CRADD: variants seen among roughly 807,000 people sequenced by gnomAD.
The protein encoded by CRADD is CARD and death domain containing adaptor protein.
A neutral mutation model predicts 15.5 loss-of-function variants in CRADD; 9 were observed. The observed-to-expected ratio is 0.58, with a 90% confidence interval of 0.35 to 1.01. The LOEUF is 1.01. CRADD is among the 50% of genes least tolerant of loss of function. The pLI is 0.02. For synonymous variants in CRADD, 118 were observed against 107.6 expected (o/e 1.10, Z -0.60); for missense variants, 227 against 250.3 (o/e 0.91, Z 0.63).
At chr12:93,879,253 A>G (rs573562592) in intron 2 of CRADD, among the ~76,000 whole-genome samples, 1 of 152,106 alleles carries the variant, frequency 6.6e-6, no homozygotes, top group South Asian at 2.1e-4. Flanking sequence ...TACTTTTTCT[A>G]CAGCTCTTTT....
intron 2 of CRADD, among the ~76,000 whole-genome samples, chr12:93,812,185 G>T (rs934399904): frequency 6.6e-6 from 1 of 152,116 alleles, no homozygotes; most frequent in Non-Finnish European, 1.5e-5. Flanking sequence ...ATAGTATCTA[G>T]AATACTATAT....
chr12:93,878,946 G>A (rs1218203968), intron 2 of CRADD, among the ~76,000 whole-genome samples: 1 of 152,100 alleles, frequency 6.6e-6, no homozygotes, highest in Non-Finnish European at 1.5e-5. Flanking sequence ...TCCTTGCTGG[G>A]GGGAAGATAG....
intron 2 of CRADD, among the ~76,000 whole-genome samples, chr12:93,747,287 G>A: frequency 6.6e-6 from 1 of 152,148 alleles, no homozygotes; most frequent in Admixed American, 6.5e-5. Context: ...TAACCCAGGA[G>A]AGAGAGGGCT....
At chr12:93,771,780 T>G (rs1413401640) in intron 2 of CRADD, among the ~76,000 whole-genome samples, 1 of 152,198 alleles carries the variant, frequency 6.6e-6, no homozygotes, top group Non-Finnish European at 1.5e-5. Flanking sequence ...AAAACTGGGT[T>G]CTAGACATGA....
At chr12:93,828,881 G>A (rs541898936) in intron 2 of CRADD, among the ~76,000 whole-genome samples, 210 of 152,254 alleles carry the variant, frequency 1.4e-3, no homozygotes, top group African/African-American at 4.9e-3. Flanking sequence ...TTTGGATTTT[G>A]ATTGGAAGTC....
intron 2 of CRADD, among the ~76,000 whole-genome samples, chr12:93,724,523 G>T (rs994919342): frequency 6.6e-6 from 1 of 152,054 alleles, no homozygotes; most frequent in African/African-American, 2.4e-5. Context: ...TTTTCAGTTT[G>T]TTCAGCCTTT....
At chr12:93,710,280 C>T (rs1421650860) in intron 2 of CRADD, among the ~76,000 whole-genome samples, 4 of 151,754 alleles carry the variant, frequency 2.6e-5, no homozygotes, top group Admixed American at 2.6e-4. Flanking sequence ...GACCAGCCAC[C>T]TTACAGCATG....
intron 2 of CRADD, among the ~76,000 whole-genome samples, chr12:93,872,633 G>A (rs1341066652): frequency 6.6e-6 from 1 of 152,084 alleles, no homozygotes; most frequent in Non-Finnish European, 1.5e-5. Flanking sequence ...TGGATATCCA[G>A]TTTTCCTAAC....
intron 2 of CRADD, among the ~76,000 whole-genome samples, chr12:93,769,075 A>G (rs1341203142): frequency 1.3e-5 from 2 of 151,776 alleles, no homozygotes; most frequent in East Asian, 1.9e-4. Flanking sequence ...TTTTTGTTAT[A>G]TACTTTATTT....
intron 2 of CRADD, among the ~76,000 whole-genome samples, chr12:93,699,922 A>G (rs906551837): frequency 6.6e-6 from 1 of 152,222 alleles, no homozygotes; most frequent in Non-Finnish European, 1.5e-5. Flanking sequence ...CTGAACATGT[A>G]CTAGCAGCCT....
chr12:93,714,183 C>T (rs2136869977), intron 2 of CRADD, among the ~76,000 whole-genome samples: 1 of 152,278 alleles, frequency 6.6e-6, no homozygotes, highest in South Asian at 2.1e-4. Context: ...TGTCACTATA[C>T]ATAATTCAAG....
At chr12:93,889,595 G>A (rs984768091) in intron 2 of CRADD, among the ~76,000 whole-genome samples, 1 of 152,172 alleles carries the variant, frequency 6.6e-6, no homozygotes, top group Admixed American at 6.5e-5. Flanking sequence ...GGTCTCAGAG[G>A]AAGGGCCGTG....
chr12:93,865,222 A>G (rs887520628), intron 2 of CRADD, among the ~76,000 whole-genome samples: 2 of 152,088 alleles, frequency 1.3e-5, no homozygotes, highest in South Asian at 2.1e-4. Flanking sequence ...GTGATGCCCC[A>G]TGTATCACCT....
intron 2 of CRADD, among the ~76,000 whole-genome samples, chr12:93,715,928 G>A (rs1489983208): frequency 6.6e-6 from 1 of 152,082 alleles, no homozygotes; most frequent in Non-Finnish European, 1.5e-5. Context: ...GATCGCTTGA[G>A]GTCAGGAGTT....
At chr12:93,834,613 C>T (rs1490935645) in intron 2 of CRADD, among the ~76,000 whole-genome samples, 1 of 152,134 alleles carries the variant, frequency 6.6e-6, no homozygotes, top group Non-Finnish European at 1.5e-5. Flanking sequence ...TTCAGCCTCC[C>T]AAGTAGCTGG....
chr12:93,773,760 T>C (rs902074662), intron 2 of CRADD, among the ~76,000 whole-genome samples: 1 of 151,340 alleles, frequency 6.6e-6, no homozygotes, highest in African/African-American at 2.4e-5. Flanking sequence ...TAGGGCACAT[T>C]GCTTCCACTC....
chr12:93,779,745 A>G (rs1289203423), intron 2 of CRADD, among the ~76,000 whole-genome samples: 1 of 152,016 alleles, frequency 6.6e-6, no homozygotes, highest in African/African-American at 2.4e-5. Flanking sequence ...GCCCACCACC[A>G]TGTCTGGCTA....
At chr12:93,687,926 A>T (rs1002825466) in intron 2 of CRADD, among the ~76,000 whole-genome samples, 1 of 152,180 alleles carries the variant, frequency 6.6e-6, no homozygotes, top group Non-Finnish European at 1.5e-5. Context: ...TTGCTAGTGA[A>T]TTTGAATTTG....
chr12:93,873,091 T>C (rs140160717), intron 2 of CRADD, among the ~76,000 whole-genome samples: 1,537 of 152,230 alleles, frequency 0.01, 33 homozygotes, highest in African/African-American at 0.035. Context: ...CTTTCATCAG[T>C]GTTTTATAGT....
Sources: allele counts gnomAD v4.1 joint callset (sites outside exome capture counted in the v4.1 genomes callset), GRCh38; gene constraint gnomAD v4.1.1; transcripts MANE v1.5; gene names NCBI Gene and HGNC (gene_info 2026-07-23, HGNC 2026-07-21).